ZNF454: variants seen among roughly 807,000 people sequenced by gnomAD.
The protein encoded by ZNF454 is zinc finger protein 454.
A neutral mutation model predicts 48.2 loss-of-function variants in ZNF454; 30 were observed. The observed-to-expected ratio is 0.62, with a 90% CI of 0.47 to 0.84. The LOEUF is 0.84. Ranked by LOEUF, ZNF454 falls within the 40% of genes least tolerant of loss-of-function variation. ZNF454 has a pLI of 0.00. For synonymous variants in ZNF454, 204 were observed against 211.4 expected, an observed-to-expected ratio of 0.97 and a Z score of 0.30; for missense variants, 510 against 623.1, an observed-to-expected ratio of 0.82 and a Z score of 1.93.
At chr5:178,989,069 G>A in the ZNF454 span, 12 of 1,613,848 alleles carry the variant, frequency 7.4e-6, no homozygotes, top group East Asian at 2.2e-5. Flanking sequence ...GGCGTACACC[G>A]CATCAATCAC....
At chr5:178,952,995 G>T (rs761096845) in intron 4 of ZNF454, among the ~76,000 whole-genome samples, 1 of 151,870 alleles carries the variant, frequency 6.6e-6, no homozygotes, top group Non-Finnish European at 1.5e-5. Flanking sequence ...GGTGAACAAT[G>T]GTGGCTCTTT....
At chr5:178,985,639 C>G in the ZNF454 span, 25 of 375,022 alleles carry the variant, frequency 6.7e-5, no homozygotes, top group East Asian at 9.5e-4. Context: ...GAAGGCAGAG[C>G]TTGCAGGGAG....
chr5:178,941,302 C>G lies in ZNF454; in HGVS notation c.-250C>G. On this transcript the variant is annotated 5_prime_UTR_variant, in exon 1 of 5. Transcript: ENST00000519564. This position sits in a 1 kb window ranked among gnomAD's most constrained non-coding sequence, Gnocchi z 5.5. Reference sequence around the variant, plus strand: ...CCTCGAAGAGCGACACGGGGCTGACCAGGCACGGTGGTCAAAGCCGCAGAG... The same window carrying G: ...CCTCGAAGAGCGACACGGGGCTGACGAGGCACGGTGGTCAAAGCCGCAGAG... 1 of 442,604 alleles carries G rather than the reference C, an allele frequency of 2.3e-6. No homozygotes were observed. The highest frequency in any genetic ancestry group is 4.6e-6 in the Non-Finnish European group (1 of 218,966). 27.4% of individuals were successfully genotyped at this position (442,604 alleles called of 1,614,324 possible).
At chr5:178,956,745 A>G (rs1013313034) in intron 4 of ZNF454, among the ~76,000 whole-genome samples, 2 of 150,836 alleles carry the variant, frequency 1.3e-5, no homozygotes, top group African/African-American at 4.9e-5. Context: ...TCTCTCTGTC[A>G]CTCAGGCTGG....
rs1759325259 is a variant in ZNF454 at position 178,946,218 on chromosome 5, G to C, written c.34-141G>C. On this transcript the variant is annotated intron_variant, in intron 2 of 4. Coordinates refer to ENST00000519564, the MANE Select transcript of ZNF454 (RefSeq NM_001178089.3). The surrounding 1 kb of genome is among the most constrained non-coding windows in gnomAD (Gnocchi z 4.5). The stretch of plus-strand genomic sequence containing the variant: ...CCCCTAGGAGACCCTGAAGAGTGAT[G>C]AACTTGTCACAGAACGCCAGCTCCC... 1.8e-6 allele frequency: 2 copies of C among 1,106,798 alleles called. No individual in the cohort carries two copies. The highest frequency in any genetic ancestry group is 2.6e-6 in the Non-Finnish European group (2 of 774,802). The allele number at this position is 1,106,798 out of a possible 1,614,324, so 68.6% of individuals were successfully genotyped here. A position where few individuals can be genotyped will look rare whatever the true frequency, so the allele number is the denominator to read the frequency against.
At position 178,964,869 on chromosome 5, in the gene ZNF454, C is replaced by G. The variant is rs778885859; in HGVS notation, c.465C>G (p.Ser155=). 10 of 1,614,168 alleles carry G rather than the reference C, an allele frequency of 6.2e-6. No individual in the cohort carries two copies. Among genetic ancestry groups the G allele is most frequent in the Non-Finnish European group, 8.5e-6 (10 of 1,180,034 alleles). The change falls in exon 5 of 5, where the codon TCC becomes TCG. Residue 155 remains serine (S), a synonymous_variant. Coordinates refer to ENST00000519564, the MANE Select transcript of ZNF454 (RefSeq NM_001178089.3). ...PNTPSQECDE[S]GSTMSSSLHS... The stretch of plus-strand genomic sequence containing the variant: ...CCCCATCACAGGAATGTGATGAATC[C>G]GGGAGCACTATGAGCTCATCTCTTC...
intron 4 of ZNF454, among the ~76,000 whole-genome samples, chr5:178,957,568 T>C (rs952256979): frequency 1.9e-4 from 29 of 151,668 alleles, no homozygotes; most frequent in African/African-American, 6.8e-4. Flanking sequence ...TGCCACCACG[T>C]CCAGCTAATT....
At chr5:178,981,641 G>A in the ZNF454 span, 345 of 1,602,370 alleles carry the variant, frequency 2.2e-4, no homozygotes, top group Middle Eastern at 1.2e-3. This position sits in a 1 kb window ranked among gnomAD's most constrained non-coding sequence, Gnocchi z 5.1. Context: ...AAGCAGTCCC[G>A]TTCCCACCTG....
intron 4 of ZNF454, among the ~76,000 whole-genome samples, chr5:178,957,524 C>T (rs906838378): frequency 6.6e-6 from 1 of 152,118 alleles, no homozygotes; most frequent in Non-Finnish European, 1.5e-5. Context: ...ATTCTCCTGC[C>T]TCAGCCTCCC....
chr5:178,979,644 A>C, the ZNF454 span: 2 of 152,218 alleles, frequency 1.3e-5, 1 homozygote, highest in African/African-American at 4.8e-5. Context: ...AAATGCCTCT[A>C]CTAAGAACTG....
At chr5:178,959,896 T>C (rs3857414) in intron 4 of ZNF454, among the ~76,000 whole-genome samples, 40,857 of 150,934 alleles carry the variant, frequency 0.27, 6,241 homozygotes, top group East Asian at 0.41. Flanking sequence ...TGAGCCACCG[T>C]GCCCGGCCCC....
chr5:178,949,524 T>A lies in ZNF454; in HGVS notation c.250+2538T>A, dbSNP rs142000532. 1.3e-4 allele frequency among the ~76,000 whole-genome samples: 20 copies of A among 152,330 alleles called. No homozygotes were observed. In the East Asian group the frequency reaches 3.3e-3, roughly 25 times the overall value. On this transcript the variant is annotated intron_variant, in intron 4 of 4. Transcript: ENST00000519564. ...ATTTTCAAATAGCTACTATTGTCAC[T>A]TGTCAGTTTCTAATTCATGTTCATT...
rs1248764848 is a variant in ZNF454, at chr5:178,946,332, T to A, written c.34-27T>A. The stretch of plus-strand genomic sequence containing the variant: ...AACCATGTGCAGGGGTAGCCCCTGG[T>A]CAAGGAGAATGAATTTGCTGTTGCA... On this transcript the variant is annotated intron_variant, in intron 2 of 4. Transcript: ENST00000519564. The surrounding 1 kb of genome is among the most constrained non-coding windows in gnomAD (Gnocchi z 4.5). The A allele has an allele frequency of 3.1e-6, 5 of 1,610,274 alleles. No individual in the cohort carries two copies. The highest frequency in any genetic ancestry group is 4.5e-5 in the East Asian group (2 of 44,762).
At chr5:178,987,880 C>T in the ZNF454 span, among the ~76,000 whole-genome samples, 1 of 149,728 alleles carries the variant, frequency 6.7e-6, no homozygotes, top group Admixed American at 6.7e-5. Flanking sequence ...CTGTCTCAGA[C>T]TCCCGAGTAG....
intron 4 of ZNF454, among the ~76,000 whole-genome samples, chr5:178,960,302 G>A (rs1017570040): frequency 6.8e-6 from 1 of 147,306 alleles, no homozygotes; most frequent in African/African-American, 2.5e-5. Context: ...TTGTTGCCCA[G>A]GCTGGAGTGC....
At chr5:178,978,944 C>T in the ZNF454 span, 1 of 152,176 alleles carries the variant, frequency 6.6e-6, no homozygotes, top group Non-Finnish European at 1.5e-5. Flanking sequence ...TCAACCTCCA[C>T]TGAACACCAC....
the ZNF454 span, chr5:178,982,705 GAAAA>G: frequency 2.8e-6 from 1 of 360,516 alleles, no homozygotes; most frequent in Non-Finnish European, 4.9e-6. Context: ...AAAAAAAAAA[GAAAA>G]AAAGAAGAGT....
the ZNF454 span, among the ~76,000 whole-genome samples, chr5:178,974,554 G>A: frequency 0.22 from 33,863 of 152,094 alleles, 4,222 homozygotes; most frequent in Non-Finnish European, 0.28. Context: ...TCCTGACCTC[G>A]TGATCCACCT....
chr5:178,966,217 G>A lies in ZNF454; in HGVS notation c.*244G>A, dbSNP rs577759090. The A allele has an allele frequency of 9.5e-5, 33 of 348,790 alleles. No homozygotes were observed. The highest frequency in any genetic ancestry group is 3.1e-4 in the African/African-American group (15 of 48,240). 21.6% of individuals were successfully genotyped at this position (348,790 alleles called of 1,614,324 possible). On this transcript the variant is annotated 3_prime_UTR_variant, in exon 5 of 5. Transcript: ENST00000519564. ...TGGGAGGCCGAGGTGGGCGGATCAC[G>A]AGGTCAGGAGATCGAGACCATCCTG...
Sources: allele counts gnomAD v4.1 joint callset (sites outside exome capture counted in the v4.1 genomes callset), GRCh38; gene constraint gnomAD v4.1.1; non-coding constraint Gnocchi (gnomAD v3.1); transcripts MANE v1.5; gene names NCBI Gene and HGNC (gene_info 2026-07-23, HGNC 2026-07-21).